The following FREM1 variants were observed in gnomAD, a reference collection of about 807,000 sequenced individuals.
FREM1 encodes the protein FRAS1-related extracellular matrix protein 1.
A neutral mutation model predicts 210.1 loss-of-function variants in FREM1; 220 were observed. The ratio of observed to expected loss-of-function variants is 1.05; its 90% confidence interval spans 0.94 to 1.17. The LOEUF is 1.17. Ranked by LOEUF, FREM1 falls within the 50% of genes most tolerant of loss-of-function variation. The probability of loss-of-function intolerance (pLI) is 0.00; values close to 1 mark genes in which losing one functional copy is unlikely to be tolerated. For synonymous variants in FREM1, 1,189 were observed against 980.2 expected, an observed-to-expected ratio of 1.21 and a Z score of -3.98; for missense variants, 3,454 against 2,675.5, an observed-to-expected ratio of 1.29 and a Z score of -6.42.
chr9:14,743,882 A>G (rs1841976468), intron 35 of FREM1, among the ~76,000 whole-genome samples: 2 of 152,112 alleles, frequency 1.3e-5, no homozygotes, highest in African/African-American at 4.8e-5. Context: ...CTCAAGGAGA[A>G]AAAAAGACCA....
intron 1 of FREM1, among the ~76,000 whole-genome samples, chr9:14,876,005 C>T (rs565095681): frequency 1.3e-5 from 2 of 152,302 alleles, no homozygotes; most frequent in South Asian, 4.1e-4. Context: ...TCGTGAACCG[C>T]AAATGCTGCT....
intron 25 of FREM1, among the ~76,000 whole-genome samples, chr9:14,772,657 T>C (rs181963924): frequency 1.7e-4 from 26 of 152,294 alleles, no homozygotes; most frequent in Non-Finnish European, 2.6e-4. Flanking sequence ...GTCATTCTTC[T>C]CCTCTCCTGA....
rs1587632352 is a variant in FREM1 at position 14,742,144 on chromosome 9, T to C, written c.6255-1910A>G. On this transcript the variant is annotated intron_variant, in intron 35 of 36. Coordinates refer to ENST00000380880, the MANE Select transcript of FREM1 (RefSeq NM_001379081.2). ...GGTGGGTATTATCTGTATAGGTGTA[T>C]ATATGGATATAAAATTATAAATAGG... 2.0e-5 allele frequency among the ~76,000 whole-genome samples: 3 copies of C among 152,318 alleles called. 1 individual carries two copies. The South Asian group carries it at 6.2e-4, about 32-fold the overall frequency.
rs772187059 is a variant in FREM1, at chr9:14,788,979, C to T, written c.4117G>A (p.Asp1373Asn). ...AGAGCAGGGGACCTGTTGTTGCCAT[C>T]CCAAAGGTAGAAGGTGAAGCTATCT... is the stretch of plus-strand genomic sequence containing the variant. ...NQDSFTFYLW[D>N]GNNRSPALDC... Residue 1373 changes from aspartate to asparagine, a missense_variant, in exon 23 of 37, where the codon GAT (aspartate) becomes AAT (asparagine). Coordinates refer to ENST00000380880, the MANE Select transcript of FREM1 (RefSeq NM_001379081.2). The T allele has an allele frequency of 1.9e-5, 30 of 1,612,910 alleles. No homozygotes were observed. The highest frequency in any genetic ancestry group is 4.4e-5 in the South Asian group (4 of 90,754).
At chr9:14,840,289 C>A (rs761008683) in intron 10 of FREM1, among the ~76,000 whole-genome samples, 1 of 152,154 alleles carries the variant, frequency 6.6e-6, no homozygotes, top group Non-Finnish European at 1.5e-5. Context: ...ATAATAGGTA[C>A]AAAATGCCTA....
intron 22 of FREM1, 117 bp from the exon 23 acceptor site, chr9:14,789,231 A>G: frequency 1.6e-6 from 1 of 624,134 alleles, no homozygotes; most frequent in East Asian, 3.1e-5. Context: ...TTTCAGGGAA[A>G]TTCCAGACTA....
chr9:14,856,641 G>A (rs1276436673), intron 5 of FREM1, among the ~76,000 whole-genome samples: 1 of 152,028 alleles, frequency 6.6e-6, no homozygotes, highest in African/African-American at 2.4e-5. Flanking sequence ...AGACCATCCT[G>A]GCTAACACGG....
intron 2 of FREM1, among the ~76,000 whole-genome samples, chr9:14,864,586 A>C (rs1889049): frequency 0.49 from 74,563 of 152,028 alleles, 19,221 homozygotes; most frequent in East Asian, 0.71. Flanking sequence ...AACTGTCTCA[A>C]CTCACTCAGA....
chr9:14,885,362 C>T (rs61563034), intron 1 of FREM1, among the ~76,000 whole-genome samples: 12 of 151,988 alleles, frequency 7.9e-5, no homozygotes, highest in African/African-American at 2.7e-4. Flanking sequence ...ATTTATTGTT[C>T]GTTTTTACTT....
At chr9:14,738,601 A>AG (rs759032847) in intron 36 of FREM1, among the ~76,000 whole-genome samples, 1,138 of 12,548 alleles carry the variant, frequency 0.091, 12 homozygotes, top group African/African-American at 0.27. Context: ...AGAAATAGTG[A>AG]AAGCCAAGAG....
intron 12 of FREM1, among the ~76,000 whole-genome samples, 183 bp from the exon 13 acceptor site, chr9:14,823,510 C>G (rs955016140): frequency 6.6e-6 from 1 of 152,170 alleles, no homozygotes; most frequent in African/African-American, 2.4e-5. Context: ...ACTTTTGCAT[C>G]AAACTAATAG....
intron 35 of FREM1, among the ~76,000 whole-genome samples, chr9:14,741,664 C>T (rs188675371): frequency 5.3e-5 from 8 of 152,272 alleles, no homozygotes; most frequent in Non-Finnish European, 2.9e-5. Flanking sequence ...AGGGACTGTC[C>T]CAGTCACTAT....
chr9:14,787,501 C>T (rs1850604234), intron 23 of FREM1, among the ~76,000 whole-genome samples: 1 of 152,134 alleles, frequency 6.6e-6, no homozygotes, highest in Non-Finnish European at 1.5e-5. Flanking sequence ...GTTTCTATTG[C>T]CCAGCCTCTC....
At chr9:14,803,098 C>T (rs1242108769) in intron 19 of FREM1, among the ~76,000 whole-genome samples, 3 of 135,522 alleles carry the variant, frequency 2.2e-5, no homozygotes, top group African/African-American at 5.5e-5. Context: ...CTCTCTTCTT[C>T]TCTTTCCCTC....
In FREM1 at chr9:14,747,040, G is replaced by C. The variant is rs200987019; in HGVS notation, c.6021C>G (p.Pro2007=). 67 of 1,613,118 alleles carry C rather than the reference G, an allele frequency of 4.2e-5. No individual in the cohort carries two copies. The African/African-American group carries it at 8.5e-4, about 21-fold the overall frequency. The change falls in exon 34 of 37, where the codon CCC becomes CCG. Residue 2007 remains proline, a synonymous_variant. Transcript: ENST00000380880. ...CCAGAGTGCAGTTCTTTGGAAATGA[G>C]GGCAACTGGTCCTTTGGGAAGGAAA... The part of the protein sequence containing the change: ...DSHFPRQDQL[P]SFPKNCTLEL...
At chr9:14,877,474 C>G (rs1018455606) in intron 1 of FREM1, among the ~76,000 whole-genome samples, 1 of 132,670 alleles carries the variant, frequency 7.5e-6, no homozygotes, top group Non-Finnish European at 1.7e-5. Flanking sequence ...AGGTGACCCC[C>G]CAAATAATTC....
chr9:14,784,402 C>T lies in FREM1; in HGVS notation c.4410G>A (p.Lys1470=), dbSNP rs1174478019. The T allele has an allele frequency of 8.7e-6, 14 of 1,613,744 alleles. No individual in the cohort carries two copies. The highest frequency in any genetic ancestry group is 1.3e-5 in the African/African-American group (1 of 74,912). ...VVGQTVCYVH[K]SKVTVSSDRF... Reference sequence around the variant, plus strand: ...TGTCACTGGAGACAGTCACCTTGCTCTTGTGTACATAGCAAACTGTCTGCC... The same window carrying T: ...TGTCACTGGAGACAGTCACCTTGCTTTTGTGTACATAGCAAACTGTCTGCC... Residue 1470 remains lysine (K), a synonymous_variant, in exon 24 of 37, where the codon AAG becomes AAA. Coordinates refer to ENST00000380880, the MANE Select transcript of FREM1 (RefSeq NM_001379081.2).
intron 24 of FREM1, among the ~76,000 whole-genome samples, chr9:14,784,082 T>G (rs771293306): frequency 1.3e-5 from 2 of 152,194 alleles, no homozygotes; most frequent in East Asian, 3.8e-4. Context: ...GGCCCTAATT[T>G]CTTGCTTTGC....
intron 1 of FREM1, among the ~76,000 whole-genome samples, chr9:14,882,898 G>C (rs1835042829): frequency 3.9e-5 from 1 of 25,826 alleles, no homozygotes; most frequent in South Asian, 1.2e-3. Context: ...GGGCAGCAGA[G>C]CGAGACTCCA....
Sources: gnomAD v4.1 joint callset for allele counts (sites outside exome capture counted in the v4.1 genomes callset) on GRCh38, gnomAD v4.1.1 for gene constraint, MANE v1.5 for transcripts, NCBI Gene and HGNC (gene_info 2026-07-23, HGNC 2026-07-21) for gene names.